Variants in DOCK8 observed in about 807,000 individuals in gnomAD.
The protein encoded by DOCK8 is dedicator of cytokinesis protein 8.
A neutral mutation model predicts 245.6 loss-of-function variants in DOCK8; 141 were observed. The observed-to-expected ratio is 0.57, with a 90% CI of 0.50 to 0.66. DOCK8 has a LOEUF of 0.66. Ranked by LOEUF, DOCK8 falls within the 30% of genes least tolerant of loss-of-function variation. DOCK8 has a pLI of 0.00. For missense variants in DOCK8, 2,965 were observed against 2,603.4 expected, an observed-to-expected ratio of 1.14 and a Z score of -3.02; for synonymous variants, 1,168 against 970.2, an observed-to-expected ratio of 1.20 and a Z score of -3.79.
intron 20 of DOCK8, among the ~76,000 whole-genome samples, chr9:378,411 T>G (rs1334341410): frequency 6.6e-6 from 1 of 152,184 alleles, no homozygotes; most frequent in Admixed American, 6.5e-5. Flanking sequence ...GCTGGGACAA[T>G]GAAGTGAGAC....
chr9:399,110 C>T, intron 25 of DOCK8, 36 bp from the exon 26 acceptor site: 1 of 1,589,514 alleles, frequency 6.3e-7, no homozygotes, highest in African/African-American at 1.3e-5. Flanking sequence ...TCCAGAGTGT[C>T]CCACAAAATG....
chr9:428,648 G>A (rs1383579601), intron 35 of DOCK8, 152 bp downstream of exon 35: 18 of 1,005,948 alleles, frequency 1.8e-5, no homozygotes, highest in Non-Finnish European at 2.7e-5. Context: ...GAAAGCAGAT[G>A]CCCTGATTCT....
intron 1 of DOCK8, among the ~76,000 whole-genome samples, chr9:226,489 C>T (rs540849968): frequency 6.6e-6 from 1 of 151,978 alleles, no homozygotes; most frequent in Admixed American, 6.6e-5. Context: ...AGCTGGGAGG[C>T]AGTGGAGAAT....
chr9:315,311 T>A (rs2050296041), intron 6 of DOCK8, among the ~76,000 whole-genome samples: 1 of 152,214 alleles, frequency 6.6e-6, no homozygotes. Context: ...GTTTCACATT[T>A]CCACTTTCTG....
chr9:376,443 C>G, intron 19 of DOCK8, 138 bp downstream of exon 19: 1 of 740,768 alleles, frequency 1.3e-6, no homozygotes, highest in Admixed American at 2.2e-5. Flanking sequence ...TGGGGACATG[C>G]AAACCTCTTT....
chr9:352,151 C>T (rs779931520), intron 14 of DOCK8, among the ~76,000 whole-genome samples: 1 of 152,092 alleles, frequency 6.6e-6, no homozygotes, highest in Non-Finnish European at 1.5e-5. Flanking sequence ...GCTGCTGACA[C>T]ACAGCTCTAG....
In DOCK8 at chr9:353,019, A is replaced by T. The variant is rs549319344; in HGVS notation, c.1679+12698A>T. ...TTGATGCATTCACCTAACCAGTATTATAAGCCCCTGCTGTGTGTCAGACAC... is the reference window on the plus strand; with the variant it reads ...TTGATGCATTCACCTAACCAGTATTTTAAGCCCCTGCTGTGTGTCAGACAC... On this transcript the variant is annotated intron_variant, in intron 14 of 47. Coordinates refer to ENST00000432829, the MANE Select transcript of DOCK8 (RefSeq NM_203447.4). Among the ~76,000 whole-genome samples, 6 of 152,320 alleles carry T rather than the reference A, an allele frequency of 3.9e-5. No individual in the cohort carries two copies. The South Asian group carries it at 1.0e-3, about 26-fold the overall frequency.
At chr9:443,283 T>C in intron 42 of DOCK8, 144 bp from the exon 43 acceptor site, 5 of 772,872 alleles carry the variant, frequency 6.5e-6, no homozygotes, top group Non-Finnish European at 1.1e-5. Flanking sequence ...TGCTGAACTT[T>C]GCTCATTAGC....
In DOCK8 at chr9:373,902, C is replaced by CT. The variant is rs1402958285; in HGVS notation, c.2109+1617dup. Among the ~76,000 whole-genome samples the CT allele has an allele frequency of 2.0e-5, 3 of 152,302 alleles. No individual in the cohort carries two copies. In the East Asian group the frequency reaches 5.8e-4, roughly 29 times the overall value. ...CCTTCTTATCATCAAGTTGCACACT[C>CT]TAATTTCTTAGAACCCCCTATTATC... On this transcript the variant is annotated intron_variant, in intron 18 of 47. Transcript: ENST00000432829.
At chr9:441,175 TACA>T (rs2057082913) in intron 40 of DOCK8, 108 bp from the exon 41 acceptor site, 2 of 1,507,928 alleles carry the variant, frequency 1.3e-6, no homozygotes, top group South Asian at 1.1e-5. Flanking sequence ...AATACTGTGA[TACA>T]ACAATAAATT....
intron 1 of DOCK8, among the ~76,000 whole-genome samples, chr9:249,609 A>G (rs1189580278): frequency 6.6e-6 from 1 of 151,828 alleles, no homozygotes; most frequent in Non-Finnish European, 1.5e-5. Context: ...CTTATTTTTT[A>G]ATTTTTTTAA....
chr9:306,804 C>G (rs2049852272), intron 5 of DOCK8, among the ~76,000 whole-genome samples: 1 of 152,118 alleles, frequency 6.6e-6, no homozygotes, highest in African/African-American at 2.4e-5. Context: ...GACTGCAGGT[C>G]TAGGGGAAGA....
chr9:400,797 CCACCTCCACCAT>C, intron 26 of DOCK8, among the ~76,000 whole-genome samples: 1 of 93,888 alleles, frequency 1.1e-5, no homozygotes, highest in Non-Finnish European at 2.1e-5. Flanking sequence ...ACCATCACCA[CCACCTCCACCAT>C]CACCACCACC....
At chr9:389,908 CCAGCTACTTGGGACTAAA>C (rs1038009179) in intron 23 of DOCK8, among the ~76,000 whole-genome samples, 6 of 151,904 alleles carry the variant, frequency 3.9e-5, no homozygotes, top group South Asian at 4.2e-4. Flanking sequence ...GCCTTTAGTC[CCAGCTACTTGGGACTAAA>C]GTAGGTGGGA....
At chr9:338,844 C>G (rs1354782462) in intron 12 of DOCK8, among the ~76,000 whole-genome samples, 162 bp from the exon 13 acceptor site, 1 of 152,144 alleles carries the variant, frequency 6.6e-6, no homozygotes, top group African/African-American at 2.4e-5. Flanking sequence ...AAGGATTTAA[C>G]AAGAAGTGGA....
intron 1 of DOCK8, among the ~76,000 whole-genome samples, chr9:262,050 CTA>C (rs555890699): frequency 1.5e-5 from 2 of 130,196 alleles, no homozygotes; most frequent in East Asian, 2.1e-4. Context: ...CGCGATTTAC[CTA>C]TGTTACAAAC....
intron 2 of DOCK8, among the ~76,000 whole-genome samples, chr9:279,224 C>A (rs970416746): frequency 1.3e-5 from 2 of 152,094 alleles, no homozygotes; most frequent in Non-Finnish European, 2.9e-5. Flanking sequence ...ATGGGAAGAG[C>A]AGATTGCCAG....
At chr9:379,220 T>C (rs1189328838) in intron 20 of DOCK8, among the ~76,000 whole-genome samples, 2 of 152,088 alleles carry the variant, frequency 1.3e-5, no homozygotes, top group Non-Finnish European at 2.9e-5. Context: ...AACAAGAGGT[T>C]CTATGCAGTA....
Position 241,346 on chromosome 9 carries a change from T to C in DOCK8, c.53+26317T>C, listed in dbSNP as rs58493971. 3.1e-3 allele frequency among the ~76,000 whole-genome samples: 477 copies of C among 152,284 alleles called. 1 individual carries two copies. Among genetic ancestry groups the C allele is most frequent in the African/African-American group, 0.011 (465 of 41,558 alleles). ...CGTATTCCTCCTATGTAGCTGTAAT[T>C]TCGTATCCCTTAACAAATCTCTCCC... On this transcript the variant is annotated intron_variant, in intron 1 of 47. Coordinates refer to ENST00000432829, the MANE Select transcript of DOCK8 (RefSeq NM_203447.4).
Sources: gnomAD v4.1 joint callset for allele counts (sites outside exome capture counted in the v4.1 genomes callset) on GRCh38, gnomAD v4.1.1 for gene constraint, MANE v1.5 for transcripts, NCBI Gene and HGNC (gene_info 2026-07-23, HGNC 2026-07-21) for gene names.